The following ADAP1 variants were observed in gnomAD, a reference collection of about 807,000 sequenced individuals.
The protein encoded by ADAP1 is ArfGAP with dual PH domains 1, also known as arf-GAP with dual PH domain-containing protein 1.
A neutral mutation model predicts 54.9 loss-of-function variants in ADAP1; 31 were observed. That is an observed-to-expected ratio of 0.56 (90% CI 0.42 to 0.76). The LOEUF is 0.76. Ranked by LOEUF, ADAP1 falls within the 30% of genes least tolerant of loss-of-function variation. ADAP1 has a pLI of 0.00. For missense variants in ADAP1, 535 were observed against 512.4 expected (o/e 1.04, Z -0.42); for synonymous variants, 313 against 202.6 (o/e 1.55, Z -4.63).
intron 4 of ADAP1, among the ~76,000 whole-genome samples, chr7:914,207 G>C (rs1845837706): frequency 6.6e-6 from 1 of 152,156 alleles, no homozygotes; most frequent in African/African-American, 2.4e-5. Flanking sequence ...CCTCTGTGCA[G>C]AGCGGGAGCC....
At chr7:901,684 T>C (rs1174168076) in intron 6 of ADAP1, among the ~76,000 whole-genome samples, 1 of 115,100 alleles carries the variant, frequency 8.7e-6, no homozygotes, top group East Asian at 2.9e-4. Context: ...TGCTTTCTCC[T>C]GTGGCCCTTC....
chr7:899,538 C>CA (rs1844677681), intron 8 of ADAP1, 48 bp from the exon 9 acceptor site: 1 of 1,584,772 alleles, frequency 6.3e-7, no homozygotes, highest in Non-Finnish European at 8.6e-7. Context: ...GAGGCAGGCC[C>CA]TACATCCAGC....
chr7:898,659 G>C lies in ADAP1; in HGVS notation c.*262C>G, dbSNP rs1844623642. Reference sequence around the variant, plus strand: ...GGGCCCTGGAGGAAAGGGGGCCCCGGGTCAGGGAGGGGCAGGTTGGCTGGG... The same window carrying C: ...GGGCCCTGGAGGAAAGGGGGCCCCGCGTCAGGGAGGGGCAGGTTGGCTGGG... On this transcript the variant is annotated 3_prime_UTR_variant, in exon 11 of 11. Coordinates refer to ENST00000265846, the MANE Select transcript of ADAP1 (RefSeq NM_006869.4). The C allele has an allele frequency of 1.1e-5, 6 of 549,320 alleles. No individual in the cohort carries two copies. The highest frequency in any genetic ancestry group is 8.1e-5 in the South Asian group (4 of 49,178). 34.0% of individuals were successfully genotyped at this position (549,320 alleles called of 1,614,324 possible).
At chr7:922,953 G>A (rs528747817) in intron 3 of ADAP1, 1 of 150,194 alleles carries the variant, frequency 6.7e-6, no homozygotes, top group East Asian at 2.0e-4. Flanking sequence ...CCCCGGGCCT[G>A]AGTGTGCCTG....
At chr7:905,279 C>CACGGACGGG in intron 4 of ADAP1, 107 bp from the exon 5 acceptor site, 1 of 342,348 alleles carries the variant, frequency 2.9e-6, no homozygotes, top group Non-Finnish European at 4.7e-6. Context: ...ACACGGGGGA[C>CACGGACGGG]ACGGACGGGG....
intron 6 of ADAP1, 74 bp downstream of exon 6, chr7:904,052 A>G (rs1844959988): frequency 1.3e-6 from 2 of 1,588,024 alleles, no homozygotes; most frequent in African/African-American, 2.7e-5. Context: ...CCAAGCACCC[A>G]CCTTCCTGCG....
At chr7:927,937 C>T (rs1040165996) in intron 2 of ADAP1, among the ~76,000 whole-genome samples, 2 of 151,732 alleles carry the variant, frequency 1.3e-5, no homozygotes, top group Non-Finnish European at 2.9e-5. Context: ...AAGGGCCAGC[C>T]GGGGACAGGG....
At chr7:952,849 G>A (rs1847304021) in intron 1 of ADAP1, among the ~76,000 whole-genome samples, 1 of 152,174 alleles carries the variant, frequency 6.6e-6, no homozygotes, top group South Asian at 2.1e-4. Flanking sequence ...GCTCTGGGGT[G>A]GGCCAGGCTG....
intron 4 of ADAP1, chr7:905,573 G>GAGAAAGGAGAAAGA (rs1845171734): frequency 1.8e-5 from 1 of 55,820 alleles, no homozygotes; most frequent in Non-Finnish European, 3.3e-5. Context: ...AAGGAGAAAG[G>GAGAAAGGAGAAAGA]AGAAAGGAGA....
Position 910,548 on chromosome 7 carries a change from C to T in ADAP1, c.389-5376G>A, listed in dbSNP as rs537781009. Among the ~76,000 whole-genome samples the T allele has an allele frequency of 1.1e-4, 17 of 152,322 alleles. No homozygotes were observed. In the Middle Eastern group the frequency reaches 0.01, roughly 91 times the overall value. ...TGCAGCGTGAGCCCCACGCCTGGCC[C>T]GAGACTGCTGGGTCTTGGATTTGTC... On this transcript the variant is annotated intron_variant, in intron 4 of 10. Transcript: ENST00000265846.
At chr7:900,234 C>T (rs1844721543) in intron 7 of ADAP1, 70 bp from the exon 8 acceptor site, 6 of 1,582,444 alleles carry the variant, frequency 3.8e-6, no homozygotes, top group South Asian at 1.1e-5. Context: ...CTGGCTGTGC[C>T]CCTCTGTGCT....
chr7:904,469 G>C (rs867086814), intron 5 of ADAP1, among the ~76,000 whole-genome samples, 197 bp from the exon 6 acceptor site: 22 of 152,152 alleles, frequency 1.4e-4, no homozygotes, highest in African/African-American at 3.9e-4. Context: ...GGAGTGATGG[G>C]GACCTCAACG....
At position 954,632 on chromosome 7, in the gene ADAP1, T is replaced by A; in HGVS notation, c.-155A>T. 1 of 981,660 alleles carries A rather than the reference T, an allele frequency of 1.0e-6. No homozygotes were observed. The highest frequency in any genetic ancestry group is 4.6e-5 in the South Asian group (1 of 21,944). 60.8% of individuals were successfully genotyped at this position (981,660 alleles called of 1,614,324 possible). ...CCGGTTCCGCATTCCCGCCGCCCTC[T>A]GGGCTCCGCCGCCGCCGCTCGTGTC... On this transcript the variant is annotated 5_prime_UTR_variant, in exon 1 of 11. Transcript: ENST00000265846.
At chr7:931,223 G>C (rs973177708) in intron 2 of ADAP1, among the ~76,000 whole-genome samples, 1 of 152,150 alleles carries the variant, frequency 6.6e-6, no homozygotes, top group Non-Finnish European at 1.5e-5. Context: ...GGTGCTCAAA[G>C]GTGGGAGACA....
chr7:942,413 G>A, intron 1 of ADAP1, among the ~76,000 whole-genome samples: 1 of 109,554 alleles, frequency 9.1e-6, no homozygotes, highest in Admixed American at 8.7e-5. Flanking sequence ...GAGAGGAGGA[G>A]GAAGGGAGAG....
intron 1 of ADAP1, among the ~76,000 whole-genome samples, chr7:948,899 G>T (rs1313852853): frequency 6.6e-6 from 1 of 152,302 alleles, no homozygotes; most frequent in East Asian, 1.9e-4. Flanking sequence ...GTTTCACCAT[G>T]TTGGCCAGGA....
chr7:906,998 G>A (rs1301992445), intron 4 of ADAP1, among the ~76,000 whole-genome samples: 1 of 152,160 alleles, frequency 6.6e-6, no homozygotes, highest in Non-Finnish European at 1.5e-5. Flanking sequence ...ACCATGGGCA[G>A]AGGCAGGGCT....
At chr7:906,800 G>T (rs56375101) in intron 4 of ADAP1, among the ~76,000 whole-genome samples, 815 of 77,966 alleles carry the variant, frequency 0.01, 92 homozygotes, top group African/African-American at 0.031. Context: ...ACGGGACAGG[G>T]GACATGGGGG....
chr7:906,627 A>AGGAGAAAGGAGAAG (rs1845394863), intron 4 of ADAP1, among the ~76,000 whole-genome samples: 1 of 95,652 alleles, frequency 1.0e-5, no homozygotes, highest in Non-Finnish European at 2.0e-5. Flanking sequence ...GAAAGGAGAA[A>AGGAGAAAGGAGAAG]GGAGAAAGGA....
Sources: gnomAD v4.1 joint callset for allele counts (sites outside exome capture counted in the v4.1 genomes callset) on GRCh38, gnomAD v4.1.1 for gene constraint, MANE v1.5 for transcripts, NCBI Gene and HGNC (gene_info 2026-07-23, HGNC 2026-07-21) for gene names.